Variants in KYAT3 observed in about 807,000 individuals in gnomAD.
KYAT3 encodes the protein kynurenine--oxoglutarate transaminase 3.
Under a neutral mutation model 59.0 loss-of-function variants are expected in KYAT3, and 50 were observed. The ratio of observed to expected loss-of-function variants is 0.85; its 90% CI spans 0.68 to 1.07. The LOEUF (loss-of-function observed/expected upper bound fraction) is 1.07, where lower values mean the gene tolerates loss of function less well. Ranked by LOEUF, KYAT3 falls within the 50% of genes least tolerant of loss-of-function variation. KYAT3 has a pLI of 0.00. For missense variants in KYAT3, 497 were observed against 533.3 expected, an observed-to-expected ratio of 0.93 and a Z score of 0.67; for synonymous variants, 148 against 177.0, an observed-to-expected ratio of 0.84 and a Z score of 1.30.
chr1:88,988,693 G>A (rs1279945420), intron 1 of KYAT3, among the ~76,000 whole-genome samples: 1 of 152,160 alleles, frequency 6.6e-6, no homozygotes, highest in African/African-American at 2.4e-5. Context: ...ATAAAATCCA[G>A]AGTATTTCAA....
At chr1:88,949,025 C>T (rs1392508274) in intron 11 of KYAT3, 66 bp downstream of exon 11, 6 of 1,326,618 alleles carry the variant, frequency 4.5e-6, no homozygotes, top group East Asian at 2.7e-5. Flanking sequence ...ATCTTTTCTC[C>T]ATAATTCTGA....
intron 2 of KYAT3, chr1:88,980,677 G>C (rs1359020627): frequency 2.6e-5 from 4 of 152,240 alleles, no homozygotes; most frequent in Non-Finnish European, 4.4e-5. Flanking sequence ...CATACTCCTT[G>C]CTTTGAACAA....
At chr1:88,985,793 T>C (rs1157601907) in intron 2 of KYAT3, among the ~76,000 whole-genome samples, 1 of 152,198 alleles carries the variant, frequency 6.6e-6, no homozygotes, top group African/African-American at 2.4e-5. Flanking sequence ...AAGATTCTCT[T>C]AGATACAAGT....
intron 2 of KYAT3, among the ~76,000 whole-genome samples, chr1:88,971,681 T>A (rs191614877): frequency 1.3e-5 from 2 of 152,192 alleles, no homozygotes; most frequent in Non-Finnish European, 2.9e-5. Context: ...TGAGAGTGCA[T>A]GTTCTCTACT....
intron 2 of KYAT3, chr1:88,980,138 A>C (rs1677009264): frequency 6.6e-6 from 1 of 152,348 alleles, no homozygotes; most frequent in Non-Finnish European, 1.5e-5. Flanking sequence ...TATGGTGACA[A>C]AGACAAATCA....
intron 9 of KYAT3, 54 bp downstream of exon 9, chr1:88,955,095 A>C: frequency 8.2e-7 from 1 of 1,219,150 alleles, no homozygotes; most frequent in East Asian, 2.3e-5. Flanking sequence ...ACTCAACAAA[A>C]AATAAATAAT....
chr1:88,952,028 C>G (rs544234842), intron 10 of KYAT3, among the ~76,000 whole-genome samples: 2 of 152,300 alleles, frequency 1.3e-5, no homozygotes, highest in African/African-American at 4.8e-5. Flanking sequence ...CTCCTAGAGC[C>G]TTCAGAAGGA....
intron 2 of KYAT3, 37 bp downstream of exon 2, chr1:88,988,215 A>C: frequency 3.0e-6 from 4 of 1,343,618 alleles, no homozygotes; most frequent in Non-Finnish European, 4.2e-6. Context: ...AGTGCAGAAT[A>C]TGTACAATAA....
intron 11 of KYAT3, among the ~76,000 whole-genome samples, chr1:88,943,797 G>C (rs904147469): frequency 6.6e-6 from 1 of 152,214 alleles, no homozygotes; most frequent in Non-Finnish European, 1.5e-5. Context: ...GTATTCATCA[G>C]TAAGATTATA....
chr1:88,961,904 A>G (rs1210088385), intron 6 of KYAT3, among the ~76,000 whole-genome samples, 155 bp downstream of exon 6: 2 of 152,212 alleles, frequency 1.3e-5, no homozygotes, highest in Non-Finnish European at 2.9e-5. Context: ...TACTTATGTT[A>G]AAAATATTTT....
chr1:88,945,564 A>G (rs556367976), intron 11 of KYAT3, among the ~76,000 whole-genome samples: 12 of 152,350 alleles, frequency 7.9e-5, no homozygotes, highest in African/African-American at 2.9e-4. Flanking sequence ...CCAATTTCAT[A>G]TAGCTTTTGT....
chr1:88,990,198 A>G (rs1480292801), intron 1 of KYAT3, among the ~76,000 whole-genome samples: 1 of 152,058 alleles, frequency 6.6e-6, no homozygotes, highest in Non-Finnish European at 1.5e-5. Flanking sequence ...CATTCCCTCT[A>G]CGGATACCTT....
chr1:88,955,412 C>T (rs952327177), intron 8 of KYAT3, among the ~76,000 whole-genome samples, 187 bp from the exon 9 acceptor site: 2 of 151,766 alleles, frequency 1.3e-5, no homozygotes, highest in Non-Finnish European at 2.9e-5. Context: ...GAAAAGTTTA[C>T]AATACTGTAA....
chr1:88,968,546 G>A (rs2101054725), intron 4 of KYAT3, 124 bp downstream of exon 4: 1 of 707,676 alleles, frequency 1.4e-6, no homozygotes, highest in Non-Finnish European at 2.2e-6. Context: ...TGGTTGCTAG[G>A]ATGGGACAGC....
intron 2 of KYAT3, among the ~76,000 whole-genome samples, chr1:88,969,815 T>G (rs575841768): frequency 6.6e-6 from 1 of 152,208 alleles, no homozygotes; most frequent in South Asian, 2.1e-4. Flanking sequence ...CTATTTTTTT[T>G]GTTGTTGTTT....
At position 88,936,235 on chromosome 1, in the gene KYAT3, GTGC is replaced by G. The variant is rs1373953613; in HGVS notation, c.1310_1312del (p.Ser437del). ...GATGATTTCTTCAGCAGCATCCAGT[GTGC>G]TGTCTTTCTGTAAATTAATGAAATA... On this transcript the variant is annotated inframe_deletion, in exon 14 of 14. Coordinates refer to ENST00000260508, the MANE Select transcript of KYAT3 (RefSeq NM_001008661.3). The G allele has an allele frequency of 2.5e-6, 4 of 1,606,996 alleles. No homozygotes were observed. In the South Asian group the frequency reaches 4.4e-5, roughly 18 times the overall value.
In KYAT3 at chr1:88,942,297, C is replaced by T. The variant is rs1197966603; in HGVS notation, c.1302+708G>A. Among the ~76,000 whole-genome samples the T allele has an allele frequency of 2.0e-5, 3 of 151,424 alleles. No homozygotes were observed. The East Asian group carries it at 5.8e-4, about 29-fold the overall frequency. ...TTTTAATAGTTTGAACCTCTCTGTT[C>T]ACTTATTATTACCACGTTTTCATCT... On this transcript the variant is annotated intron_variant, in intron 13 of 13. Transcript: ENST00000260508.
At chr1:88,978,331 G>A (rs146367318) in intron 2 of KYAT3, among the ~76,000 whole-genome samples, 6 of 151,860 alleles carry the variant, frequency 4.0e-5, no homozygotes, top group South Asian at 2.1e-4. Context: ...TTTCTTCTCC[G>A]GGTGGAGTTG....
At chr1:88,931,566 G>T (rs556373328), downstream of KYAT3, among the ~76,000 whole-genome samples, 12 of 152,152 alleles carry the variant, frequency 7.9e-5, no homozygotes, top group Non-Finnish European at 1.5e-4. Context: ...CTGTTGAGAG[G>T]GGGGACTGAG....
Sources: gnomAD v4.1 joint callset for allele counts (sites outside exome capture counted in the v4.1 genomes callset) on GRCh38, gnomAD v4.1.1 for gene constraint, MANE v1.5 for transcripts, NCBI Gene and HGNC (gene_info 2026-07-23, HGNC 2026-07-21) for gene names.